Variants in HIPK2 observed in about 807,000 individuals in gnomAD.
HIPK2 encodes homeodomain-interacting protein kinase 2.
A neutral mutation model predicts 113.7 loss-of-function variants in HIPK2; 27 were observed. That is an observed-to-expected ratio of 0.24 (90% CI 0.17 to 0.33). The LOEUF (loss-of-function observed/expected upper bound fraction) is 0.33, where lower values mean the gene tolerates loss of function less well. HIPK2 is among the 10% of genes least tolerant of loss of function. The probability of loss-of-function intolerance (pLI) is 1.00; values close to 1 mark genes in which losing one functional copy is unlikely to be tolerated. For missense variants in HIPK2, 1,257 were observed against 1,588.0 expected (o/e 0.79, Z 3.54); for synonymous variants, 631 against 642.2 (o/e 0.98, Z 0.26).
At chr7:139,721,664 CA>C (rs1486103160) in intron 1 of HIPK2, among the ~76,000 whole-genome samples, 1 of 152,172 alleles carries the variant, frequency 6.6e-6, no homozygotes, top group African/African-American at 2.4e-5. Flanking sequence ...GATCCAATGG[CA>C]AAATCTCAAC....
chr7:139,769,897 T>C (rs1796617873), intron 1 of HIPK2, among the ~76,000 whole-genome samples: 1 of 152,182 alleles, frequency 6.6e-6, no homozygotes, highest in African/African-American at 2.4e-5. Flanking sequence ...TGATGAATCT[T>C]TTCCTGATGG....
In HIPK2 at chr7:139,572,621, C is replaced by CCTTTTT. The variant is rs1293586963; in HGVS notation, c.*300_*305dup. On this transcript the variant is annotated 3_prime_UTR_variant, in exon 15 of 15. Coordinates refer to ENST00000406875, the MANE Select transcript of HIPK2 (RefSeq NM_022740.5). ...TTTTTGTTATTGACTTTTTTTTTTT[C>CCTTTTT]CTTTTTCTTTTTTAAAATAAAAACC... The CCTTTTT allele has an allele frequency of 1.6e-5, 4 of 254,536 alleles. No homozygotes were observed. The highest frequency in any genetic ancestry group is 2.9e-5 in the Non-Finnish European group (4 of 136,354). The allele number at this position is 254,536 out of a possible 1,614,324, so 15.8% of individuals were successfully genotyped here.
chr7:139,626,902 T>C, intron 5 of HIPK2, 117 bp from the exon 6 acceptor site: 1 of 1,178,468 alleles, frequency 8.5e-7, no homozygotes, highest in Non-Finnish European at 1.2e-6. Flanking sequence ...CCTTTCTCAG[T>C]TCCCAGGAAC....
chr7:139,573,399 TG>T lies in HIPK2; in HGVS notation c.3127-3del. Reference sequence around the variant, plus strand: ...GTCCGTGGTGATGTGCTGCTGAGCCTGGGGAGGAGAGGCACCAAGAGAGACG... The same window carrying T: ...GTCCGTGGTGATGTGCTGCTGAGCCTGGGAGGAGAGGCACCAAGAGAGACG... On this transcript the variant is annotated splice_polypyrimidine_tract_variant and splice_region_variant and intron_variant, in intron 14 of 14. Coordinates refer to ENST00000406875, the MANE Select transcript of HIPK2 (RefSeq NM_022740.5). 1.2e-6 allele frequency: 2 copies of T among 1,600,314 alleles called. No homozygotes were observed.
rs1244955430 is a variant in HIPK2, at chr7:139,573,128, C to G, written c.3396G>C (p.Gln1132His). The change falls in exon 15 of 15, where the codon CAG becomes CAC. Residue 1132 changes from glutamine (Q) to histidine (H), a missense_variant. By Grantham distance (24) the Gln-to-His change is conservative. Transcript: ENST00000406875. ...CGATGCTGGCTGGGTAGGCAGTGTG[C>G]TGCACGGTGTGGCGCGCAGAGCCTT... Reference protein sequence around the residue: ...ASQGSARHTVQHTAYPASIVH... With the variant: ...ASQGSARHTVHHTAYPASIVH... The G allele has an allele frequency of 1.9e-6, 3 of 1,611,552 alleles. No individual in the cohort carries two copies. The highest frequency in any genetic ancestry group is 2.2e-5 in the South Asian group (2 of 90,864).
chr7:139,642,098 C>T (rs1404979320), intron 2 of HIPK2, among the ~76,000 whole-genome samples: 2 of 152,168 alleles, frequency 1.3e-5, no homozygotes, highest in African/African-American at 2.4e-5. Flanking sequence ...ATAAGGTGTA[C>T]TCGAACTGCA....
intron 2 of HIPK2, among the ~76,000 whole-genome samples, chr7:139,692,287 G>T (rs770067335): frequency 1.3e-5 from 2 of 152,192 alleles, no homozygotes; most frequent in Non-Finnish European, 2.9e-5. Flanking sequence ...GAACCTGGAA[G>T]TGAACTCAAA....
chr7:139,598,405 C>A (rs1163396271), intron 11 of HIPK2, among the ~76,000 whole-genome samples: 11 of 152,146 alleles, frequency 7.2e-5, no homozygotes. Flanking sequence ...TATGATTGTA[C>A]CATTGTTTGT....
intron 1 of HIPK2, among the ~76,000 whole-genome samples, chr7:139,733,686 C>T (rs1427696931): frequency 1.3e-5 from 2 of 152,134 alleles, no homozygotes; most frequent in Non-Finnish European, 2.9e-5. Context: ...TCTTCTGTAT[C>T]CTAATACGTT....
intron 2 of HIPK2, among the ~76,000 whole-genome samples, chr7:139,707,476 A>G (rs1427772443): frequency 6.6e-6 from 1 of 152,250 alleles, no homozygotes; most frequent in Non-Finnish European, 1.5e-5. Flanking sequence ...GAGGACTCAG[A>G]ACATGCTAGT....
intron 1 of HIPK2, among the ~76,000 whole-genome samples, chr7:139,727,427 G>A (rs1294578885): frequency 6.6e-6 from 1 of 152,192 alleles, no homozygotes; most frequent in African/African-American, 2.4e-5. Context: ...TCCAAGAAAT[G>A]TGGTTCTCTT....
intron 1 of HIPK2, among the ~76,000 whole-genome samples, chr7:139,739,888 A>G (rs187196516): frequency 6.6e-6 from 1 of 152,346 alleles, no homozygotes; most frequent in East Asian, 1.9e-4. Context: ...ATGTATCAAC[A>G]TTCCATTCCC....
intron 1 of HIPK2, among the ~76,000 whole-genome samples, chr7:139,764,304 T>C (rs931596845): frequency 1.3e-5 from 2 of 152,222 alleles, no homozygotes; most frequent in South Asian, 4.1e-4. Context: ...CCTAACTCTG[T>C]ATCTCCCTTA....
chr7:139,690,473 G>A (rs1350448432), intron 2 of HIPK2, among the ~76,000 whole-genome samples: 1 of 152,076 alleles, frequency 6.6e-6, no homozygotes, highest in African/African-American at 2.4e-5. Context: ...CTCATGAACG[G>A]CTTAGTGTTG....
At chr7:139,638,760 C>T (rs944482384) in intron 2 of HIPK2, among the ~76,000 whole-genome samples, 1 of 151,558 alleles carries the variant, frequency 6.6e-6, no homozygotes, top group Non-Finnish European at 1.5e-5. Context: ...CGGGTTCACG[C>T]CATTCTCCTG....
intron 10 of HIPK2, among the ~76,000 whole-genome samples, chr7:139,603,112 TG>T (rs1799495046): frequency 6.6e-6 from 1 of 151,970 alleles, no homozygotes; most frequent in South Asian, 2.1e-4. Context: ...GGGGTCTGAC[TG>T]GGGGCTTATA....
intron 2 of HIPK2, among the ~76,000 whole-genome samples, chr7:139,686,133 G>A (rs1794209473): frequency 6.6e-6 from 1 of 152,184 alleles, no homozygotes; most frequent in African/African-American, 2.4e-5. Context: ...TTTGGAAGAG[G>A]TTGATTCCAA....
intron 2 of HIPK2, among the ~76,000 whole-genome samples, chr7:139,698,084 T>TG (rs1395249396): frequency 1.3e-5 from 2 of 152,124 alleles, no homozygotes; most frequent in African/African-American, 4.8e-5. Context: ...AGGCTGGTCT[T>TG]GAACTCCTGG....
intron 1 of HIPK2, among the ~76,000 whole-genome samples, chr7:139,721,136 C>T (rs760076228): frequency 1.3e-5 from 2 of 152,284 alleles, no homozygotes; most frequent in East Asian, 1.9e-4. Flanking sequence ...AGTCAACAGC[C>T]GCTATTCCAA....
Sources: gnomAD v4.1 joint callset for allele counts (sites outside exome capture counted in the v4.1 genomes callset) on GRCh38, gnomAD v4.1.1 for gene constraint, MANE v1.5 for transcripts, NCBI Gene and HGNC (gene_info 2026-07-23, HGNC 2026-07-21) for gene names.